SYN3: variants seen among roughly 807,000 people sequenced by gnomAD.
SYN3 encodes the protein synapsin III.
In SYN3, 35 loss-of-function variants were observed where a neutral mutation model predicts 65.8. The observed-to-expected ratio is 0.53, with a 90% CI of 0.41 to 0.70. The LOEUF is 0.70. Ranked by LOEUF, SYN3 falls within the 30% of genes least tolerant of loss-of-function variation. The probability of loss-of-function intolerance (pLI) is 0.00; values close to 1 mark genes in which losing one functional copy is unlikely to be tolerated. For synonymous variants in SYN3, 270 were observed against 292.9 expected, an observed-to-expected ratio of 0.92 and a Z score of 0.80; for missense variants, 680 against 749.0, an observed-to-expected ratio of 0.91 and a Z score of 1.08.
rs2060411383 is a variant in SYN3 at position 32,674,304 on chromosome 22, G to A, written c.712-77568C>T. ...TCTGGAGTTGGAATTGGGGTGGGGA[G>A]GCACCTGGGAAAGCGATGTTCCAGT... On this transcript the variant is annotated intron_variant, in intron 6 of 13. Transcript: ENST00000358763. Among the ~76,000 whole-genome samples the A allele has an allele frequency of 2.0e-5, 3 of 152,280 alleles. No homozygotes were observed. In the South Asian group the frequency reaches 6.2e-4, roughly 32 times the overall value.
chr22:32,825,299 T>C (rs1210368118), intron 6 of SYN3, among the ~76,000 whole-genome samples: 2 of 152,170 alleles, frequency 1.3e-5, no homozygotes, highest in Non-Finnish European at 2.9e-5. Flanking sequence ...ACTACTAAAA[T>C]GGCAGGTTTA....
intron 6 of SYN3, among the ~76,000 whole-genome samples, chr22:32,617,038 G>T (rs139254788): frequency 6.5e-4 from 99 of 152,282 alleles, no homozygotes; most frequent in African/African-American, 2.1e-3. Flanking sequence ...GCTGGCCAAG[G>T]CTTCACGTTT....
intron 6 of SYN3, among the ~76,000 whole-genome samples, chr22:32,835,983 G>C (rs574323356): frequency 3.3e-5 from 5 of 152,248 alleles, no homozygotes; most frequent in African/African-American, 9.6e-5. Context: ...CCCTATCTCC[G>C]CATTTCCAAT....
chr22:32,706,969 T>C (rs1172471485), intron 6 of SYN3, among the ~76,000 whole-genome samples: 1 of 152,150 alleles, frequency 6.6e-6, no homozygotes, highest in African/African-American at 2.4e-5. Flanking sequence ...GAGACCATCT[T>C]CCTCCTATTG....
chr22:32,794,010 C>T lies in SYN3; in HGVS notation c.711+70905G>A, dbSNP rs115130471. ...GTTGGGGAAGAGAAGGATGGAGTGG[C>T]CAGCCTGGTGCTGAGAACCAAGAAG... On this transcript the variant is annotated intron_variant, in intron 6 of 13. Coordinates refer to ENST00000358763, the MANE Select transcript of SYN3 (RefSeq NM_003490.4). Among the ~76,000 whole-genome samples the T allele has an allele frequency of 8.4e-3, 1,284 of 152,284 alleles. 20 individuals are homozygous for T. Among genetic ancestry groups the T allele is most frequent in the African/African-American group, 0.029 (1,213 of 41,566 alleles).
chr22:32,572,287 CTCCT>C (rs1342575150), intron 7 of SYN3, among the ~76,000 whole-genome samples: 231 of 99,700 alleles, frequency 2.3e-3, no homozygotes, highest in East Asian at 3.2e-3. Context: ...CCCTCCCTCC[CTCCT>C]TCCTTCCTTC....
At chr22:32,813,429 CA>C (rs2046965737) in intron 6 of SYN3, among the ~76,000 whole-genome samples, 3 of 150,938 alleles carry the variant, frequency 2.0e-5, no homozygotes. Context: ...GCCAGATTTC[CA>C]GTCTCTTAGG....
chr22:32,772,347 C>A (rs1024368551), intron 6 of SYN3, among the ~76,000 whole-genome samples: 4 of 150,872 alleles, frequency 2.7e-5, no homozygotes, highest in Admixed American at 6.6e-5. Flanking sequence ...AATGGAGAAC[C>A]CTGGTGTGAC....
chr22:33,042,507 C>T (rs1032217673), intron 1 of SYN3, among the ~76,000 whole-genome samples: 2 of 152,190 alleles, frequency 1.3e-5, no homozygotes, highest in Non-Finnish European at 2.9e-5. Context: ...AGTACACTGG[C>T]TGCTTGAAGA....
At chr22:32,840,594 C>T (rs1360822853) in intron 6 of SYN3, among the ~76,000 whole-genome samples, 1 of 151,988 alleles carries the variant, frequency 6.6e-6, no homozygotes, top group Non-Finnish European at 1.5e-5. Context: ...TGCTCAGAGC[C>T]CGGCTGTGAT....
At chr22:32,581,792 C>CTTTTTTTTTTT (rs10716395) in intron 7 of SYN3, among the ~76,000 whole-genome samples, 13 of 84,310 alleles carry the variant, frequency 1.5e-4, no homozygotes, top group African/African-American at 1.8e-4. Flanking sequence ...TTCTTTCTTT[C>CTTTTTTTTTTT]TTTTTTTTTT....
intron 6 of SYN3, among the ~76,000 whole-genome samples, chr22:32,780,068 CA>C (rs130536): frequency 9.6e-5 from 7 of 72,556 alleles, no homozygotes; most frequent in Non-Finnish European, 1.2e-4. Flanking sequence ...GATTCTGTCT[CA>C]AAAAAAAAAA....
chr22:32,832,372 C>T (rs1368592334), intron 6 of SYN3, among the ~76,000 whole-genome samples: 3 of 152,096 alleles, frequency 2.0e-5, no homozygotes, highest in African/African-American at 7.2e-5. Flanking sequence ...TAGAATATGT[C>T]CAGTCCAACG....
chr22:32,524,752 T>C (rs139615194), intron 12 of SYN3, among the ~76,000 whole-genome samples: 112 of 152,350 alleles, frequency 7.4e-4, no homozygotes, highest in Non-Finnish European at 1.4e-3. Flanking sequence ...GGCTCATGCC[T>C]GTAATCCCAG....
chr22:32,560,086 G>A (rs1050325385), intron 7 of SYN3, among the ~76,000 whole-genome samples: 2 of 152,266 alleles, frequency 1.3e-5, no homozygotes, highest in Non-Finnish European at 2.9e-5. Flanking sequence ...GCAGGCCACT[G>A]CGCATGCAGA....
At chr22:32,671,719 T>G (rs1181732110) in intron 6 of SYN3, among the ~76,000 whole-genome samples, 1 of 140,738 alleles carries the variant, frequency 7.1e-6, no homozygotes, top group Non-Finnish European at 1.5e-5. Flanking sequence ...ACACACATGC[T>G]CTCACAGGTA....
At chr22:32,811,964 C>G (rs1393836276) in intron 6 of SYN3, among the ~76,000 whole-genome samples, 1 of 152,164 alleles carries the variant, frequency 6.6e-6, no homozygotes, top group Admixed American at 6.5e-5. Context: ...AACCGCTCCC[C>G]TATCCACTGC....
At chr22:32,672,981 G>A (rs1475526808) in intron 6 of SYN3, among the ~76,000 whole-genome samples, 2 of 152,246 alleles carry the variant, frequency 1.3e-5, no homozygotes, top group Non-Finnish European at 2.9e-5. Context: ...ACCTGGTTAG[G>A]ACGAAGCCCA....
chr22:32,710,961 G>T (rs5749498), intron 6 of SYN3, among the ~76,000 whole-genome samples: 8,273 of 152,050 alleles, frequency 0.054, 243 homozygotes, highest in African/African-American at 0.07. Flanking sequence ...GATGAACATC[G>T]CCCTTTCTCT....
Sources: gnomAD v4.1 joint callset for allele counts (sites outside exome capture counted in the v4.1 genomes callset) on GRCh38, gnomAD v4.1.1 for gene constraint, MANE v1.5 for transcripts, NCBI Gene and HGNC (gene_info 2026-07-23, HGNC 2026-07-21) for gene names.